DLL3: variants seen among roughly 807,000 people sequenced by gnomAD.
The protein encoded by DLL3 is delta-like protein 3.
DLL3 carries 49 observed loss-of-function variants against 55.0 expected under a neutral mutation model. The ratio of observed to expected loss-of-function variants is 0.89; its 90% CI spans 0.71 to 1.13. The LOEUF is 1.13. Among genes scored for constraint, DLL3 ranks in the 50% most tolerant of loss-of-function variants. DLL3 has a pLI of 0.00. For synonymous variants in DLL3, 421 were observed against 385.2 expected (o/e 1.09, Z -1.09); for missense variants, 962 against 875.5 (o/e 1.10, Z -1.25).
Position 39,504,190 on chromosome 19 carries a change from C to G in DLL3, c.772C>G (p.Leu258Val), listed in dbSNP as rs2079627662. Residue 258 changes from leucine (L) to valine (V), a missense_variant, in exon 5 of 9, where the codon CTC becomes GTC. Transcript: ENST00000356433. ...GGTCCCTGTCTCCACCAGCAGCTGC[C>G]TCAGCCCCAGGGGCCCGTCCTCTGC... ...CTVPVSTSSC[L>V]SPRGPSSATT... 2 of 1,612,436 alleles carry G rather than the reference C, an allele frequency of 1.2e-6. No homozygotes were observed. Among genetic ancestry groups the G allele is most frequent in the African/African-American group, 2.7e-5 (2 of 74,942 alleles).
chr19:39,504,539 G>A (rs2079629797), intron 5 of DLL3, among the ~76,000 whole-genome samples: 1 of 152,314 alleles, frequency 6.6e-6, no homozygotes, highest in East Asian at 1.9e-4. Context: ...GAGGAGCCGT[G>A]TGGGGCCACA....
chr19:39,500,820 A>C, intron 3 of DLL3, 148 bp downstream of exon 3: 4 of 723,760 alleles, frequency 5.5e-6, no homozygotes, highest in South Asian at 1.5e-5. Flanking sequence ...TTGGCATCTC[A>C]GGCACAGAAA....
At position 39,499,368 on chromosome 19, in the gene DLL3, G is replaced by C. The variant is rs1473784527; in HGVS notation, c.246G>C (p.Ala82=). The change falls in exon 2 of 9, where the codon GCG becomes GCC. Residue 82 remains alanine (A), a synonymous_variant. Transcript: ENST00000356433. ...AGTCCCCGTGCGCCCTGGGCGCGGCGCTGAGTGCGCGCGGACCGGTCTACA... is the reference window on the plus strand; with the variant it reads ...AGTCCCCGTGCGCCCTGGGCGCGGCCCTGAGTGCGCGCGGACCGGTCTACA... The part of the protein sequence containing the change: ...AAESPCALGA[A]LSARGPVYTE... 3 of 1,562,364 alleles carry C rather than the reference G, an allele frequency of 1.9e-6. No individual in the cohort carries two copies. Among genetic ancestry groups the C allele is most frequent in the Non-Finnish European group, 2.6e-6 (3 of 1,160,872 alleles).
Position 39,498,985 on chromosome 19 carries a change from C to A in DLL3, c.11C>A (p.Pro4Gln). 1.2e-6 allele frequency: 2 copies of A among 1,614,074 alleles called. No homozygotes were observed. Among genetic ancestry groups the A allele is most frequent in the Non-Finnish European group, 1.7e-6 (2 of 1,180,020 alleles). The change falls in exon 1 of 9, where the codon CCA (proline) becomes CAA (glutamine). Residue 4 changes from proline (P) to glutamine (Q), a missense_variant. Physicochemically the swap from Pro to Gln is moderately conservative, Grantham distance 76 (BLOSUM62 -1). Coordinates refer to ENST00000356433, the MANE Select transcript of DLL3 (RefSeq NM_203486.3). MVS[P>Q]RMSGLLSQTV... ...CCCCACCAGAAGGCCATGGTCTCCC[C>A]ACGGATGTCCGGGCTCCTCTCCCAG...
At position 39,507,233 on chromosome 19, in the gene DLL3, GCGGACCCGTGCGCCGCGCGCC is replaced by G; in HGVS notation, c.1290_1310del (p.Asp431_Pro437del). 6.9e-7 allele frequency: 1 copy of G among 1,459,592 alleles called. No homozygotes were observed. Among genetic ancestry groups the G allele is most frequent in the South Asian group, 1.3e-5 (1 of 75,804 alleles). 90.4% of individuals were successfully genotyped at this position (1,459,592 alleles called of 1,614,324 possible). On this transcript the variant is annotated inframe_deletion, in exon 7 of 9. Transcript: ENST00000356433. The stretch of plus-strand genomic sequence containing the variant: ...CGGCGGCCGCGACTGCCGCGAGCGC[GCGGACCCGTGCGCCGCGCGCC>G]CCTGTGCTCACGGCGGCCGCTGCTA...
At chr19:39,506,537 C>G (rs908741940) in intron 6 of DLL3, among the ~76,000 whole-genome samples, 4 of 152,090 alleles carry the variant, frequency 2.6e-5, no homozygotes, top group African/African-American at 9.7e-5. Context: ...GGGGAACCAG[C>G]CCAGAGGGGA....
In DLL3 at chr19:39,502,815, G is replaced by A; in HGVS notation, c.410G>A (p.Gly137Glu). 7.0e-7 allele frequency: 1 copy of A among 1,421,024 alleles called. No individual in the cohort carries two copies. The highest frequency in any genetic ancestry group is 1.5e-5 in the South Asian group (1 of 65,718). 88.0% of individuals were successfully genotyped at this position (1,421,024 alleles called of 1,614,324 possible). The change falls in exon 4 of 9, where the codon GGG becomes GAG. Residue 137 changes from glycine to glutamate, a missense_variant and splice_region_variant. Physicochemically the swap from Gly to Glu is moderately conservative, Grantham distance 98. Transcript: ENST00000356433. ...WREELGDQIG[G>E]PAWSLLARVA... ...ACCCCTCCTTTGCCTGTCCTCGCAG[G>A]GCCCGCCTGGAGCCTGCTGGCGCGC...
At position 39,505,387 on chromosome 19, in the gene DLL3, C is replaced by G. The variant is rs2304214; in HGVS notation, c.1029C>G (p.Pro343=). The stretch of plus-strand genomic sequence containing the variant: ...CTGCCTACATCTGCCACTGCCCACC[C>G]GGTTTCCAAGGCTCCAACTGTGAGA... ...PDSAYICHCP[P]GFQGSNCEKR... Residue 343 remains proline, a synonymous_variant, in exon 6 of 9, where the codon CCC becomes CCG. Coordinates refer to ENST00000356433, the MANE Select transcript of DLL3 (RefSeq NM_203486.3). 3 of 1,613,946 alleles carry G rather than the reference C, an allele frequency of 1.9e-6. No homozygotes were observed. Among genetic ancestry groups the G allele is most frequent in the East Asian group, 2.2e-5 (1 of 44,882 alleles).
rs761188289 is a variant in DLL3 at position 39,500,593 on chromosome 19, C to G, written c.352-22C>G. The G allele has an allele frequency of 1.9e-6, 3 of 1,609,736 alleles. No homozygotes were observed. The Admixed American group carries it at 5.0e-5, about 27-fold the overall frequency. ...AACCACTGTCTTTCATCTTTCATCT[C>G]CCCCTTCCTTCACCCAACCAGGGCA... On this transcript the variant is annotated intron_variant, in intron 2 of 8. Transcript: ENST00000356433.
rs2144759267 is a variant in DLL3, at chr19:39,502,870, A to G, written c.465A>G (p.Gly155=). 7.1e-7 allele frequency: 1 copy of G among 1,417,782 alleles called. No homozygotes were observed. Among genetic ancestry groups the G allele is most frequent in the South Asian group, 1.5e-5 (1 of 68,432 alleles). The allele number at this position is 1,417,782 out of a possible 1,614,324, so 87.8% of individuals were successfully genotyped here. ...RVAGRRRLAA[G]GPWARDIQRA... ...CTGGCAGGCGGCGCTTGGCAGCCGG[A>G]GGCCCGTGGGCCCGGGACATTCAGC... The change falls in exon 4 of 9, where the codon GGA becomes GGG. Residue 155 remains glycine, a synonymous_variant. Transcript: ENST00000356433.
intron 4 of DLL3, among the ~76,000 whole-genome samples, 188 bp from the exon 5 acceptor site, chr19:39,503,883 G>A (rs950814939): frequency 1.2e-4 from 19 of 152,120 alleles, no homozygotes; most frequent in Non-Finnish European, 2.1e-4. Flanking sequence ...GTCTCTGTGG[G>A]CCTCAGTTTC....
At chr19:39,506,211 CAAAAAAAAAAA>C (rs541216671) in intron 6 of DLL3, among the ~76,000 whole-genome samples, 172 of 54,534 alleles carry the variant, frequency 3.2e-3, no homozygotes, top group African/African-American at 0.012. Context: ...CACTCTGTCT[CAAAAAAAAAAA>C]AAAAAAAAAA....
intron 3 of DLL3, among the ~76,000 whole-genome samples, chr19:39,502,185 G>A (rs1486280874): frequency 1.3e-5 from 2 of 151,256 alleles, no homozygotes; most frequent in Non-Finnish European, 2.9e-5. Flanking sequence ...AGACTCCGTC[G>A]CAAAAAACAA....
rs199768238 is a variant in DLL3 at position 39,499,061 on chromosome 19, G to A, written c.69+18G>A. 7 of 1,614,152 alleles carry A rather than the reference G, an allele frequency of 4.3e-6. No individual in the cohort carries two copies. Among genetic ancestry groups the A allele is most frequent in the Non-Finnish European group, 5.1e-6 (6 of 1,180,044 alleles). On this transcript the variant is annotated intron_variant, in intron 1 of 8. Coordinates refer to ENST00000356433, the MANE Select transcript of DLL3 (RefSeq NM_203486.3). ...TCCCCCAGGTCAGAGCCAGGTGGGA[G>A]GTGGCGTGGAAAGGGATGAATGCGG...
In DLL3 at chr19:39,505,213, T is replaced by C; in HGVS notation, c.871-16T>C. The C allele has an allele frequency of 6.2e-7, 1 of 1,613,262 alleles. No homozygotes were observed. The highest frequency in any genetic ancestry group is 8.5e-7 in the Non-Finnish European group (1 of 1,179,698). On this transcript the variant is annotated splice_polypyrimidine_tract_variant and intron_variant, in intron 5 of 8. Transcript: ENST00000356433. ...CCAAGGAAACACCCTTCTCAAGTAC[T>C]CTTGTCCCTGCCCAGGAGACACCCA... is the stretch of plus-strand genomic sequence containing the variant.
intron 3 of DLL3, 27 bp from the exon 4 acceptor site, chr19:39,502,780 CCACCCCAG>C: frequency 7.4e-7 from 1 of 1,355,354 alleles, no homozygotes; most frequent in African/African-American, 1.5e-5. Context: ...TCGGCCGGGC[CCACCCCAG>C]CACCCCTCCT....
intron 2 of DLL3, 122 bp from the exon 3 acceptor site, chr19:39,500,493 C>T (rs2079603916): frequency 4.9e-6 from 4 of 820,758 alleles, no homozygotes; most frequent in Non-Finnish European, 8.1e-6. Context: ...GGGAATTGTC[C>T]CTTGCTTGCT....
At position 39,503,017 on chromosome 19, in the gene DLL3, G is replaced by C; in HGVS notation, c.612G>C (p.Leu204=). 1 of 1,510,134 alleles carries C rather than the reference G, an allele frequency of 6.6e-7. No individual in the cohort carries two copies. The highest frequency in any genetic ancestry group is 8.8e-7 in the Non-Finnish European group (1 of 1,136,532). 93.5% of individuals were successfully genotyped at this position (1,510,134 alleles called of 1,614,324 possible). A position where few individuals can be genotyped will look rare whatever the true frequency, so the allele number is the denominator to read the frequency against. ...RSAPSRCGPG[L]RPCAPLEDEC... ...CCCCCTCGCGGTGCGGTCCGGGACTGCGCCCCTGCGCACCGCTCGAGGACG... is the reference window on the plus strand; with the variant it reads ...CCCCCTCGCGGTGCGGTCCGGGACTCCGCCCCTGCGCACCGCTCGAGGACG... Residue 204 remains leucine (L), a synonymous_variant, in exon 4 of 9, where the codon CTG becomes CTC. Transcript: ENST00000356433.
At chr19:39,506,068 C>T (rs542325828) in intron 6 of DLL3, among the ~76,000 whole-genome samples, 7 of 151,884 alleles carry the variant, frequency 4.6e-5, no homozygotes, top group Admixed American at 2.0e-4. Context: ...AAAAATTAGC[C>T]GGGCGTGATG....
Sources: allele counts gnomAD v4.1 joint callset (sites outside exome capture counted in the v4.1 genomes callset), GRCh38; gene constraint gnomAD v4.1.1; transcripts MANE v1.5; gene names NCBI Gene and HGNC (gene_info 2026-07-23, HGNC 2026-07-21).